The following PRKG1 variants were observed in gnomAD, a reference collection of about 807,000 sequenced individuals.
PRKG1 encodes protein kinase cGMP-dependent 1, also known as cGMP-dependent protein kinase 1.
A neutral mutation model predicts 88.1 loss-of-function variants in PRKG1; 35 were observed. The ratio of observed to expected loss-of-function variants is 0.40; its 90% CI spans 0.30 to 0.53. PRKG1 has a LOEUF of 0.53. PRKG1 is among the 20% of genes least tolerant of loss of function. PRKG1 has a pLI of 0.59. For missense variants in PRKG1, 540 were observed against 839.8 expected (o/e 0.64, Z 4.41); for synonymous variants, 303 against 292.5 (o/e 1.04, Z -0.37).
At chr10:51,882,427 A>C (rs1841461079) in intron 4 of PRKG1, among the ~76,000 whole-genome samples, 1 of 152,180 alleles carries the variant, frequency 6.6e-6, no homozygotes, top group Admixed American at 6.5e-5. Context: ...TTTTTTAGTG[A>C]GATTTCCTTC....
chr10:51,840,437 A>G (rs1251498865), intron 4 of PRKG1, among the ~76,000 whole-genome samples: 2 of 152,124 alleles, frequency 1.3e-5, no homozygotes, highest in Non-Finnish European at 2.9e-5. Flanking sequence ...AACAACTGAT[A>G]TGGATCATGC....
intron 2 of PRKG1, among the ~76,000 whole-genome samples, chr10:51,371,881 G>A (rs1007959528): frequency 2.0e-5 from 3 of 152,184 alleles, no homozygotes; most frequent in Non-Finnish European, 2.9e-5. Flanking sequence ...GTGCCCTTCC[G>A]TGGGGGCTGA....
chr10:51,017,677 G>A (rs1843085768), intron 1 of PRKG1, among the ~76,000 whole-genome samples: 1 of 152,070 alleles, frequency 6.6e-6, no homozygotes, highest in African/African-American at 2.4e-5. Context: ...ATTAATCTGT[G>A]ATCTCCTACA....
intron 2 of PRKG1, among the ~76,000 whole-genome samples, chr10:51,188,860 A>C (rs1248461574): frequency 1.3e-5 from 2 of 151,948 alleles, no homozygotes; most frequent in East Asian, 3.9e-4. Context: ...CAGAATCTCC[A>C]AAAGAACTGA....
chr10:51,419,804 A>T (rs1286640597), intron 2 of PRKG1, among the ~76,000 whole-genome samples: 1 of 142,224 alleles, frequency 7.0e-6, no homozygotes, highest in Non-Finnish European at 1.5e-5. Flanking sequence ...AGAGCCAATA[A>T]TTTTTTTTTT....
At chr10:51,950,683 T>C (rs1452578866) in intron 5 of PRKG1, among the ~76,000 whole-genome samples, 1 of 152,230 alleles carries the variant, frequency 6.6e-6, no homozygotes, top group Non-Finnish European at 1.5e-5. Context: ...TTCTTTTAGT[T>C]CCACTATCCA....
intron 7 of PRKG1, among the ~76,000 whole-genome samples, chr10:52,075,297 T>C (rs2133293395): frequency 6.6e-6 from 1 of 152,352 alleles, no homozygotes; most frequent in African/African-American, 2.4e-5. Flanking sequence ...TCATACGTTG[T>C]AAGACGCAGT....
intron 5 of PRKG1, among the ~76,000 whole-genome samples, chr10:51,987,904 T>G (rs565836387): frequency 9.9e-5 from 15 of 152,194 alleles, no homozygotes; most frequent in Non-Finnish European, 2.2e-4. Flanking sequence ...AGTTGCTGAA[T>G]GCTACAAAAA....
intron 2 of PRKG1, among the ~76,000 whole-genome samples, chr10:51,216,987 G>C (rs1308096606): frequency 6.6e-6 from 1 of 152,034 alleles, no homozygotes; most frequent in Non-Finnish European, 1.5e-5. Context: ...AATCTAGCCT[G>C]GTTTAGCCTC....
intron 3 of PRKG1, among the ~76,000 whole-genome samples, chr10:51,645,368 T>C (rs1839892386): frequency 2.0e-5 from 3 of 152,214 alleles, no homozygotes; most frequent in Non-Finnish European, 4.4e-5. Flanking sequence ...CAACATCTTA[T>C]ATGTTTAAAA....
chr10:51,800,453 C>A (rs1839141207), intron 3 of PRKG1, among the ~76,000 whole-genome samples: 1 of 152,154 alleles, frequency 6.6e-6, no homozygotes, highest in South Asian at 2.1e-4. Context: ...AGAACACTTA[C>A]ATCAGCCTAC....
At chr10:51,970,831 G>GATATATAT (rs59493582) in intron 5 of PRKG1, among the ~76,000 whole-genome samples, 18 of 136,612 alleles carry the variant, frequency 1.3e-4, no homozygotes, top group Admixed American at 6.7e-4. Context: ...ATATATATGT[G>GATATATAT]ATATATATAT....
In PRKG1 at chr10:51,996,641, T is replaced by C. The variant is rs554922635; in HGVS notation, c.763-57843T>C. Reference sequence around the variant, plus strand: ...TCAAAAAGATGATGATAATAAGTATTGGCAAAGATGCATAGAAAAGGGAAC... The same window carrying C: ...TCAAAAAGATGATGATAATAAGTATCGGCAAAGATGCATAGAAAAGGGAAC... On this transcript the variant is annotated intron_variant, in intron 5 of 17. Coordinates refer to ENST00000373980, the MANE Select transcript of PRKG1 (RefSeq NM_006258.4). Among the ~76,000 whole-genome samples, 46 of 152,038 alleles carry C rather than the reference T, an allele frequency of 3.0e-4. No homozygotes were observed. In the South Asian group the frequency reaches 9.5e-3, roughly 32 times the overall value.
chr10:51,556,828 A>C (rs1024227042), intron 3 of PRKG1, among the ~76,000 whole-genome samples: 4 of 152,044 alleles, frequency 2.6e-5, no homozygotes, highest in African/African-American at 9.7e-5. Flanking sequence ...AGTGTCACGC[A>C]ATATACCCAT....
chr10:51,239,902 T>C (rs1266113929), intron 2 of PRKG1, among the ~76,000 whole-genome samples: 1 of 152,066 alleles, frequency 6.6e-6, no homozygotes, highest in Non-Finnish European at 1.5e-5. Flanking sequence ...TGGGAGTAAA[T>C]CTAATTATTT....
In PRKG1 at chr10:52,077,990, A is replaced by G. The variant is rs568493300; in HGVS notation, c.935+15359A>G. 3.9e-5 allele frequency among the ~76,000 whole-genome samples: 6 copies of G among 152,280 alleles called. No homozygotes were observed. The South Asian group carries it at 1.2e-3, about 32-fold the overall frequency. ...GAGGTGCCCTCAGCAGCAGTGGATG[A>G]CAGTTGTCTGCCGCCCAGATGGCCG... On this transcript the variant is annotated intron_variant, in intron 7 of 17. Transcript: ENST00000373980.
intron 2 of PRKG1, among the ~76,000 whole-genome samples, chr10:51,160,979 T>C (rs895453608): frequency 6.6e-6 from 1 of 152,126 alleles, no homozygotes; most frequent in Non-Finnish European, 1.5e-5. Flanking sequence ...TATCTTTACA[T>C]TGATAATCGA....
chr10:51,935,391 A>C (rs1842780012), intron 5 of PRKG1, among the ~76,000 whole-genome samples: 2 of 152,122 alleles, frequency 1.3e-5, no homozygotes, highest in Admixed American at 6.6e-5. Context: ...ACAAACAAAC[A>C]CAAGAGCAAT....
intron 2 of PRKG1, among the ~76,000 whole-genome samples, chr10:51,383,545 C>T (rs978965580): frequency 2.6e-5 from 4 of 152,100 alleles, no homozygotes; most frequent in African/African-American, 9.7e-5. Flanking sequence ...AAGTACCTTG[C>T]CCAAGTACAT....
Sources: gnomAD v4.1 joint callset for allele counts (sites outside exome capture counted in the v4.1 genomes callset) on GRCh38, gnomAD v4.1.1 for gene constraint, MANE v1.5 for transcripts, NCBI Gene and HGNC (gene_info 2026-07-23, HGNC 2026-07-21) for gene names.